MINDY3: variants seen among roughly 807,000 people sequenced by gnomAD.
The protein encoded by MINDY3 is MINDY lysine 48 deubiquitinase 3.
MINDY3 carries 38 observed loss-of-function variants against 69.2 expected under a neutral mutation model. That is an observed-to-expected ratio of 0.55 (90% CI 0.42 to 0.72). MINDY3 has a LOEUF of 0.72. Ranked by LOEUF, MINDY3 falls within the 30% of genes least tolerant of loss-of-function variation. MINDY3 has a pLI of 0.00. For synonymous variants in MINDY3, 192 were observed against 180.1 expected (o/e 1.07, Z -0.53); for missense variants, 522 against 519.0 (o/e 1.01, Z -0.06).
chr10:15,800,198 G>A (rs1292983520), intron 10 of MINDY3, among the ~76,000 whole-genome samples: 1 of 151,744 alleles, frequency 6.6e-6, no homozygotes, highest in Non-Finnish European at 1.5e-5. Flanking sequence ...TGCCATGCAT[G>A]CATAAAATAT....
intron 10 of MINDY3, among the ~76,000 whole-genome samples, chr10:15,799,884 T>G (rs894822137): frequency 2.6e-5 from 4 of 152,152 alleles, no homozygotes; most frequent in African/African-American, 9.7e-5. Context: ...ACTGCGAGCT[T>G]CTCGTGAGCT....
At position 15,796,090 on chromosome 10, in the gene MINDY3, A is replaced by C. The variant is rs776808497; in HGVS notation, c.955+10T>G. On this transcript the variant is annotated intron_variant, in intron 11 of 14. Coordinates refer to ENST00000277632, the MANE Select transcript of MINDY3 (RefSeq NM_024948.4). ...ACATAAAACACAGAGATGATGTTAA[A>C]ATCTTTTACCTTCTGGGTCGTAGGT... 6 of 1,607,540 alleles carry C rather than the reference A, an allele frequency of 3.7e-6. No homozygotes were observed. In the Middle Eastern group the frequency reaches 5.0e-4, roughly 133 times the overall value.
At chr10:15,850,281 G>C (rs140673851) in intron 1 of MINDY3, among the ~76,000 whole-genome samples, 76 of 152,300 alleles carry the variant, frequency 5.0e-4, no homozygotes, top group Non-Finnish European at 8.8e-4. Context: ...TAGAGCATGT[G>C]TGTTTGAACA....
rs139121470 is a variant in MINDY3 at position 15,783,216 on chromosome 10, C to T, written c.1117-990G>A. On this transcript the variant is annotated intron_variant, in intron 13 of 14. Coordinates refer to ENST00000277632, the MANE Select transcript of MINDY3 (RefSeq NM_024948.4). ...GTTCAAGGACTCCAGGAGCACTTTC[C>T]CGGTGCTTGCTTCTTCAATTCACCT... 3.2e-3 allele frequency among the ~76,000 whole-genome samples: 494 copies of T among 152,248 alleles called. 2 individuals are homozygous for T. Among genetic ancestry groups the T allele is most frequent in the African/African-American group, 0.011 (472 of 41,562 alleles).
chr10:15,795,457 C>A (rs182199584), intron 11 of MINDY3, among the ~76,000 whole-genome samples: 1 of 152,146 alleles, frequency 6.6e-6, no homozygotes, highest in Non-Finnish European at 1.5e-5. Flanking sequence ...CATTTCTACA[C>A]GGTACTTCGT....
chr10:15,800,174 G>GA lies in MINDY3; in HGVS notation c.883-4003dup, dbSNP rs538718048. On this transcript the variant is annotated intron_variant, in intron 10 of 14. Transcript: ENST00000277632. ...GCCTAGAGATATTTTCAAAAGTTAAGAAAAAATTAAGTATGCCATGCATGC... is the reference window on the plus strand; with the variant it reads ...GCCTAGAGATATTTTCAAAAGTTAAGAAAAAAATTAAGTATGCCATGCATGC... Among the ~76,000 whole-genome samples, 18 of 152,098 alleles carry GA rather than the reference G, an allele frequency of 1.2e-4. No individual in the cohort carries two copies. In the East Asian group the frequency reaches 2.9e-3, roughly 25 times the overall value.
At chr10:15,832,374 A>T (rs1264989786) in intron 8 of MINDY3, among the ~76,000 whole-genome samples, 1 of 152,146 alleles carries the variant, frequency 6.6e-6, no homozygotes, top group African/African-American at 2.4e-5. Flanking sequence ...GAGTGTACAG[A>T]AGCCATCACA....
At chr10:15,818,328 AAC>A (rs1176941700) in intron 9 of MINDY3, among the ~76,000 whole-genome samples, 8 of 151,716 alleles carry the variant, frequency 5.3e-5, no homozygotes, top group African/African-American at 1.9e-4. Context: ...AAAAAAAAAA[AAC>A]AAACAAACAA....
chr10:15,799,843 T>C (rs1838129484), intron 10 of MINDY3, among the ~76,000 whole-genome samples: 1 of 152,160 alleles, frequency 6.6e-6, no homozygotes. Flanking sequence ...ATCTTAATAC[T>C]TGGCACACTA....
chr10:15,824,559 C>T (rs1839969050), intron 8 of MINDY3, among the ~76,000 whole-genome samples: 1 of 152,106 alleles, frequency 6.6e-6, no homozygotes, highest in African/African-American at 2.4e-5. Context: ...AGAAGAACAG[C>T]CCAAATAGGT....
chr10:15,821,939 G>A (rs186391230), intron 8 of MINDY3, among the ~76,000 whole-genome samples: 5 of 152,150 alleles, frequency 3.3e-5, no homozygotes, highest in Admixed American at 3.3e-4. Context: ...TAAATGTGAT[G>A]CTTTAGATGT....
At chr10:15,836,342 A>T (rs114555567) in intron 6 of MINDY3, among the ~76,000 whole-genome samples, 3,181 of 152,054 alleles carry the variant, frequency 0.021, 99 homozygotes, top group African/African-American at 0.07. Flanking sequence ...CCTTGATTCC[A>T]TCTAATAGGT....
chr10:15,819,805 C>T (rs1350359877), intron 9 of MINDY3, among the ~76,000 whole-genome samples: 1 of 152,212 alleles, frequency 6.6e-6, no homozygotes, highest in Non-Finnish European at 1.5e-5. Flanking sequence ...CCATAGTTAA[C>T]TGCTAAAACA....
intron 7 of MINDY3, among the ~76,000 whole-genome samples, chr10:15,834,321 TAAAAC>T (rs1832933549): frequency 6.6e-6 from 1 of 152,034 alleles, no homozygotes; most frequent in Non-Finnish European, 1.5e-5. Flanking sequence ...ACTGTTATCT[TAAAAC>T]AAAATATTTG....
chr10:15,830,082 G>A, intron 8 of MINDY3, among the ~76,000 whole-genome samples: 1 of 152,138 alleles, frequency 6.6e-6, no homozygotes, highest in East Asian at 1.9e-4. Flanking sequence ...TAACTAGCAG[G>A]TTTTCAAATA....
intron 1 of MINDY3, among the ~76,000 whole-genome samples, chr10:15,857,035 C>G (rs1436437486): frequency 6.6e-6 from 1 of 152,140 alleles, no homozygotes; most frequent in Non-Finnish European, 1.5e-5. Flanking sequence ...TTCAAACCTT[C>G]GAAGGACCCC....
At chr10:15,794,936 GTTA>G (rs1383652212) in intron 11 of MINDY3, among the ~76,000 whole-genome samples, 1 of 151,840 alleles carries the variant, frequency 6.6e-6, no homozygotes, top group African/African-American at 2.4e-5. Flanking sequence ...TTCTTTAATA[GTTA>G]TTATCTCCTA....
chr10:15,831,123 G>A (rs1333243496), intron 8 of MINDY3, among the ~76,000 whole-genome samples: 1 of 152,108 alleles, frequency 6.6e-6, no homozygotes, highest in African/African-American at 2.4e-5. Flanking sequence ...AGAGGAGAAG[G>A]GATTTGAATT....
chr10:15,791,916 G>C (rs926845114), intron 11 of MINDY3, among the ~76,000 whole-genome samples: 1 of 152,036 alleles, frequency 6.6e-6, no homozygotes, highest in African/African-American at 2.4e-5. Flanking sequence ...TTTTAACAGA[G>C]ATACTAGCTA....
Sources: allele counts gnomAD v4.1 joint callset (sites outside exome capture counted in the v4.1 genomes callset), GRCh38; gene constraint gnomAD v4.1.1; transcripts MANE v1.5; gene names NCBI Gene and HGNC (gene_info 2026-07-23, HGNC 2026-07-21).